GFI1B: variants seen among roughly 807,000 people sequenced by gnomAD.
GFI1B encodes the protein zinc finger protein Gfi-1b.
GFI1B carries 20 observed loss-of-function variants against 35.3 expected under a neutral mutation model. That is an observed-to-expected ratio of 0.57 (90% CI 0.40 to 0.82). GFI1B has a LOEUF of 0.82. GFI1B is among the 40% of genes least tolerant of loss of function. GFI1B has a pLI of 0.00. For synonymous variants in GFI1B, 178 were observed against 177.6 expected (o/e 1.00, Z -0.02); for missense variants, 430 against 446.3 (o/e 0.96, Z 0.33).
At chr9:132,948,218 T>C (rs1263752566) in intron 1 of GFI1B, among the ~76,000 whole-genome samples, 1 of 152,042 alleles carries the variant, frequency 6.6e-6, no homozygotes, top group Non-Finnish European at 1.5e-5. Context: ...GCAATTTTTC[T>C]CTTTCCTTTG....
intron 1 of GFI1B, among the ~76,000 whole-genome samples, chr9:132,983,289 C>G (rs1233997545): frequency 6.8e-6 from 1 of 147,552 alleles, no homozygotes; most frequent in African/African-American, 2.5e-5. Context: ...CTCCGCCTCC[C>G]GGGTTCAAGC....
rs1364236352 is a variant in GFI1B at position 132,986,771 on chromosome 9, T to C, written c.93T>C (p.Leu31=). ...QEDEPLWPPA[L]TPVPRDQAPS... ...ATGAACCGCTCTGGCCTCCTGCCCTTACCCCGGGTGAGTCAGAGCCCGGGC... is the reference window on the plus strand; with the variant it reads ...ATGAACCGCTCTGGCCTCCTGCCCTCACCCCGGGTGAGTCAGAGCCCGGGC... Residue 31 remains leucine, a synonymous_variant, in exon 2 of 7, where the codon CTT becomes CTC. Transcript: ENST00000372122. 1 of 1,607,700 alleles carries C rather than the reference T, an allele frequency of 6.2e-7. No homozygotes were observed. Among genetic ancestry groups the C allele is most frequent in the Non-Finnish European group, 8.5e-7 (1 of 1,175,968 alleles).
Position 132,988,333 on chromosome 9 carries a change from C to T in GFI1B, c.375C>T (p.Thr125=), listed in dbSNP as rs1177844398. 1 of 1,614,106 alleles carries T rather than the reference C, an allele frequency of 6.2e-7. No homozygotes were observed. The highest frequency in any genetic ancestry group is 1.3e-5 in the African/African-American group (1 of 74,952). The stretch of plus-strand genomic sequence containing the variant: ...ACAGCTACCGGCAGGCCCCCTCCAC[C>T]ATGCAGTCAGCCTTCCTGGAGCACT... ...YGHSYRQAPS[T]MQSAFLEHSV... Residue 125 remains threonine, a synonymous_variant, in exon 4 of 7, where the codon ACC becomes ACT. Transcript: ENST00000372122.
At chr9:132,974,601 CAAAAAAAA>C (rs11243966), upstream of GFI1B, among the ~76,000 whole-genome samples, 5 of 79,846 alleles carry the variant, frequency 6.3e-5, no homozygotes, top group African/African-American at 2.8e-4. Context: ...GAATCCGTCT[CAAAAAAAA>C]AAAAAAAAAA....
chr9:132,991,126 A>C lies in GFI1B; in HGVS notation c.*76A>C. On this transcript the variant is annotated 3_prime_UTR_variant, in exon 7 of 7. Transcript: ENST00000372122. ...CTGGAGGCCAGCCTCACATGCCCAA[A>C]TCTCCAGTCTCCTGGAGGTGGGACT... 5 of 1,304,606 alleles carry C rather than the reference A, an allele frequency of 3.8e-6. No homozygotes were observed. The highest frequency in any genetic ancestry group is 4.4e-6 in the Non-Finnish European group (4 of 913,590). The allele number at this position is 1,304,606 out of a possible 1,614,324, so 80.8% of individuals were successfully genotyped here.
intron 1 of GFI1B, among the ~76,000 whole-genome samples, chr9:132,971,897 C>T (rs1337744085): frequency 4.0e-5 from 6 of 150,008 alleles, no homozygotes; most frequent in Non-Finnish European, 7.4e-5. Context: ...TCACTTGAAC[C>T]AGGGAGGCAG....
intron 1 of GFI1B, among the ~76,000 whole-genome samples, chr9:132,981,813 C>T (rs747769998): frequency 2.4e-4 from 36 of 151,858 alleles, no homozygotes; most frequent in Non-Finnish European, 3.4e-4. Context: ...AGTGCAGTGG[C>T]GCCATCTGGG....
chr9:132,973,050 G>A (rs1193402765), intron 2 of GFI1B, among the ~76,000 whole-genome samples: 1 of 152,258 alleles, frequency 6.6e-6, no homozygotes, highest in East Asian at 1.9e-4. Context: ...GCACCAAGAT[G>A]TACATAGAGC....
At chr9:132,985,385 G>A (rs576449881) in intron 1 of GFI1B, among the ~76,000 whole-genome samples, 1 of 152,184 alleles carries the variant, frequency 6.6e-6, no homozygotes. Context: ...GACTGGTGGG[G>A]TTGGTAGTGA....
At chr9:132,990,641 T>A (rs75856805) in intron 6 of GFI1B, among the ~76,000 whole-genome samples, 2,283 of 152,366 alleles carry the variant, frequency 0.015, 25 homozygotes, top group Non-Finnish European at 0.021. Flanking sequence ...ACAAGATGAC[T>A]CGGCAGCTGC....
intron 1 of GFI1B, among the ~76,000 whole-genome samples, chr9:132,981,331 G>C (rs892665572): frequency 1.3e-5 from 2 of 152,004 alleles, no homozygotes; most frequent in South Asian, 2.1e-4. Context: ...AATGATTTTG[G>C]GTCTATACCC....
intron 1 of GFI1B, among the ~76,000 whole-genome samples, chr9:132,982,404 A>G (rs566569983): frequency 2.0e-5 from 3 of 152,264 alleles, no homozygotes; most frequent in South Asian, 2.1e-4. Flanking sequence ...CCCAAGTCCA[A>G]CTGGAAGTTA....
upstream of GFI1B, among the ~76,000 whole-genome samples, chr9:132,975,974 C>A (rs1848622364): frequency 1.3e-5 from 2 of 152,162 alleles, no homozygotes; most frequent in Non-Finnish European, 2.9e-5. Context: ...GGCTGCCTGG[C>A]CACTGCTCTC....
At chr9:132,969,303 T>C (rs1183621502) in intron 1 of GFI1B, among the ~76,000 whole-genome samples, 4 of 152,248 alleles carry the variant, frequency 2.6e-5, no homozygotes, top group African/African-American at 4.8e-5. Flanking sequence ...AGTGCTGGGA[T>C]TACAGGCGTG....
intron 6 of GFI1B, 143 bp downstream of exon 6, chr9:132,990,050 C>T: frequency 1.4e-6 from 1 of 733,052 alleles, no homozygotes; most frequent in Non-Finnish European, 2.4e-6. Context: ...GGGCTGGGCA[C>T]CTGTGCTACT....
At chr9:132,979,194 C>T (rs1588426699) in intron 1 of GFI1B, among the ~76,000 whole-genome samples, 1 of 151,890 alleles carries the variant, frequency 6.6e-6, no homozygotes, top group East Asian at 1.9e-4. Context: ...AGTTGTGTTC[C>T]CCCTCGGAGA....
chr9:132,964,176 G>T (rs2132600249), intron 1 of GFI1B, among the ~76,000 whole-genome samples: 1 of 152,280 alleles, frequency 6.6e-6, no homozygotes, highest in Non-Finnish European at 1.5e-5. Context: ...GGAGGTGGAG[G>T]TTGCAGTGAG....
At chr9:132,954,579 AAAAAAAAAAAG>A (rs562226780) in intron 1 of GFI1B, among the ~76,000 whole-genome samples, 5,342 of 151,362 alleles carry the variant, frequency 0.035, 315 homozygotes, top group African/African-American at 0.12. Context: ...TGTCTCAAAA[AAAAAAAAAAAG>A]AAAAGAAAAA....
upstream of GFI1B, among the ~76,000 whole-genome samples, chr9:132,974,836 C>T (rs1004019755): frequency 6.6e-6 from 1 of 152,062 alleles, no homozygotes; most frequent in African/African-American, 2.4e-5. Context: ...GCAGAGGGCA[C>T]GAGAAGTGCC....
Sources: allele counts gnomAD v4.1 joint callset (sites outside exome capture counted in the v4.1 genomes callset), GRCh38; gene constraint gnomAD v4.1.1; transcripts MANE v1.5; gene names NCBI Gene and HGNC (gene_info 2026-07-23, HGNC 2026-07-21).